The following SLC35F1 variants were observed in gnomAD, a reference collection of about 807,000 sequenced individuals.
The protein encoded by SLC35F1 is chromosome 6 open reading frame 169.
SLC35F1 carries 14 observed loss-of-function variants against 48.7 expected under a neutral mutation model. The observed-to-expected ratio is 0.29, with a 90% CI of 0.19 to 0.45. The LOEUF (loss-of-function observed/expected upper bound fraction) is 0.45. SLC35F1 is among the 20% of genes least tolerant of loss of function. The probability of loss-of-function intolerance (pLI) is 1.00; values close to 1 mark genes in which losing one functional copy is unlikely to be tolerated. For missense variants in SLC35F1, 404 were observed against 500.0 expected, an observed-to-expected ratio of 0.81 and a Z score of 1.83; for synonymous variants, 190 against 202.2, an observed-to-expected ratio of 0.94 and a Z score of 0.51.
intron 3 of SLC35F1, among the ~76,000 whole-genome samples, chr6:118,257,133 T>G (rs1775655737): frequency 6.6e-6 from 1 of 152,058 alleles, no homozygotes. Context: ...CATTCCCTTC[T>G]AAAAGCTGAG....
At chr6:118,265,497 G>A (rs1396299782) in intron 3 of SLC35F1, among the ~76,000 whole-genome samples, 2 of 152,152 alleles carry the variant, frequency 1.3e-5, no homozygotes, top group Non-Finnish European at 2.9e-5. Flanking sequence ...TCCTGAGGAG[G>A]CAAATTATAA....
At chr6:118,201,459 G>A (rs1461416575) in intron 2 of SLC35F1, among the ~76,000 whole-genome samples, 2 of 152,184 alleles carry the variant, frequency 1.3e-5, no homozygotes, top group Non-Finnish European at 2.9e-5. Context: ...TAGATAGATT[G>A]TTCCTTAAGG....
chr6:118,036,863 G>A (rs1772140328), intron 1 of SLC35F1, among the ~76,000 whole-genome samples: 1 of 152,148 alleles, frequency 6.6e-6, no homozygotes, highest in Non-Finnish European at 1.5e-5. Context: ...GGCAGGGCTG[G>A]ATTATTAAAA....
At chr6:118,039,802 T>TTTG (rs1255744976) in intron 1 of SLC35F1, among the ~76,000 whole-genome samples, 3 of 145,734 alleles carry the variant, frequency 2.1e-5, no homozygotes, top group African/African-American at 7.5e-5. Flanking sequence ...CAGGATTGTT[T>TTTG]TTTTTGTTTT....
intron 1 of SLC35F1, among the ~76,000 whole-genome samples, chr6:118,071,996 TTGC>T (rs1772738192): frequency 6.6e-6 from 1 of 152,232 alleles, no homozygotes; most frequent in African/African-American, 2.4e-5. Context: ...TTCTATATTA[TTGC>T]TTTGCTAATT....
At chr6:118,212,764 A>G (rs377122163) in intron 2 of SLC35F1, among the ~76,000 whole-genome samples, 10 of 131,626 alleles carry the variant, frequency 7.6e-5, no homozygotes, top group Non-Finnish European at 1.3e-4. Flanking sequence ...GGAAGGAAGG[A>G]AGGAAGGAAG....
chr6:117,967,749 T>C (rs554521928), intron 1 of SLC35F1, among the ~76,000 whole-genome samples: 71 of 152,188 alleles, frequency 4.7e-4, no homozygotes, highest in Non-Finnish European at 6.6e-4. Flanking sequence ...TTCTGCTCCT[T>C]GGTAGACACA....
At chr6:118,048,173 C>T (rs1374932420) in intron 1 of SLC35F1, among the ~76,000 whole-genome samples, 1 of 152,040 alleles carries the variant, frequency 6.6e-6, no homozygotes, top group Non-Finnish European at 1.5e-5. Flanking sequence ...TATTTATATG[C>T]TGGATTACAT....
intron 1 of SLC35F1, among the ~76,000 whole-genome samples, chr6:118,011,041 G>A (rs376019099): frequency 2.0e-5 from 3 of 152,104 alleles, no homozygotes; most frequent in African/African-American, 7.2e-5. Context: ...GAGGCCAGGG[G>A]TGCTGCAAAA....
intron 3 of SLC35F1, among the ~76,000 whole-genome samples, chr6:118,249,437 A>G (rs953072721): frequency 6.6e-6 from 1 of 152,148 alleles, no homozygotes; most frequent in African/African-American, 2.4e-5. Flanking sequence ...ACACTTCTAC[A>G]CCTTGACTGG....
intron 2 of SLC35F1, among the ~76,000 whole-genome samples, chr6:118,226,001 C>T (rs2105021): frequency 6.6e-6 from 1 of 152,046 alleles, no homozygotes; most frequent in East Asian, 1.9e-4. Context: ...AATATATAAA[C>T]AGTTATATAT....
At chr6:118,148,542 A>G (rs1774009221) in intron 1 of SLC35F1, among the ~76,000 whole-genome samples, 1 of 152,194 alleles carries the variant, frequency 6.6e-6, no homozygotes, top group African/African-American at 2.4e-5. Context: ...TTCCAGCAGC[A>G]CTATTTTTCT....
chr6:117,938,975 C>T (rs1390192500), intron 1 of SLC35F1, among the ~76,000 whole-genome samples: 1 of 151,380 alleles, frequency 6.6e-6, no homozygotes, highest in African/African-American at 2.4e-5. Flanking sequence ...CGAAGTTCTA[C>T]CAGATATGCC....
intron 1 of SLC35F1, among the ~76,000 whole-genome samples, chr6:118,099,452 C>G (rs2114361238): frequency 6.6e-6 from 1 of 152,098 alleles, no homozygotes; most frequent in South Asian, 2.1e-4. Context: ...CTTTCTTTCT[C>G]TCTCTCCCCA....
chr6:118,122,529 G>A (rs1773566503), intron 1 of SLC35F1, among the ~76,000 whole-genome samples: 1 of 152,364 alleles, frequency 6.6e-6, no homozygotes, highest in African/African-American at 2.4e-5. Flanking sequence ...ATCTGGAAAA[G>A]CTTGGAAAAT....
intron 1 of SLC35F1, among the ~76,000 whole-genome samples, chr6:118,045,278 G>T (rs1387363660): frequency 6.6e-6 from 1 of 152,096 alleles, no homozygotes; most frequent in Non-Finnish European, 1.5e-5. Context: ...CAACCAGAAA[G>T]GAAGAACATT....
At chr6:118,282,954 G>A (rs1373046380) in intron 6 of SLC35F1, among the ~76,000 whole-genome samples, 1 of 152,172 alleles carries the variant, frequency 6.6e-6, no homozygotes, top group African/African-American at 2.4e-5. Context: ...TCTCCACAGA[G>A]TAGCCAAAAT....
intron 3 of SLC35F1, among the ~76,000 whole-genome samples, chr6:118,252,124 A>G (rs1775582537): frequency 1.3e-5 from 2 of 152,196 alleles, no homozygotes; most frequent in African/African-American, 4.8e-5. Context: ...ATTTGCTCTT[A>G]GAAAAATTAT....
chr6:118,059,960 T>C (rs1772515688), intron 1 of SLC35F1, among the ~76,000 whole-genome samples: 1 of 152,218 alleles, frequency 6.6e-6, no homozygotes, highest in Non-Finnish European at 1.5e-5. Flanking sequence ...GGGCTTTGTA[T>C]TAGAAATAAG....
Sources: gnomAD v4.1 joint callset for allele counts (sites outside exome capture counted in the v4.1 genomes callset) on GRCh38, gnomAD v4.1.1 for gene constraint, MANE v1.5 for transcripts, NCBI Gene and HGNC (gene_info 2026-07-23, HGNC 2026-07-21) for gene names.